The following CCSER1 variants were observed in gnomAD, a reference collection of about 807,000 sequenced individuals.
CCSER1 encodes serine-rich coiled-coil domain-containing protein 1.
CCSER1 carries 41 observed loss-of-function variants against 82.0 expected under a neutral mutation model. The observed-to-expected ratio is 0.50, with a 90% CI of 0.39 to 0.65. The LOEUF (loss-of-function observed/expected upper bound fraction) is 0.65, where lower values mean the gene tolerates loss of function less well. CCSER1 is among the 30% of genes least tolerant of loss of function. The pLI is 0.00. For synonymous variants in CCSER1, 414 were observed against 383.9 expected (o/e 1.08, Z -0.92); for missense variants, 1,119 against 1,064.2 (o/e 1.05, Z -0.72).
chr4:91,159,378 T>TCTC (rs1250563952), intron 10 of CCSER1, among the ~76,000 whole-genome samples: 2 of 151,926 alleles, frequency 1.3e-5, no homozygotes, highest in Non-Finnish European at 2.9e-5. Context: ...CTTGCCTTAC[T>TCTC]CTCCTATATT....
At chr4:91,244,354 G>C (rs538907318) in intron 10 of CCSER1, among the ~76,000 whole-genome samples, 55 of 152,188 alleles carry the variant, frequency 3.6e-4, no homozygotes, top group Admixed American at 2.5e-3. Flanking sequence ...ACCTTGAAGG[G>C]AAGGGCCTTG....
intron 10 of CCSER1, among the ~76,000 whole-genome samples, chr4:91,258,743 T>C (rs1740885789): frequency 6.6e-6 from 1 of 152,132 alleles, no homozygotes; most frequent in African/African-American, 2.4e-5. Context: ...AATAAATCCA[T>C]TATGCTTATT....
At chr4:90,195,268 T>TA (rs1287312781) in intron 1 of CCSER1, among the ~76,000 whole-genome samples, 1 of 151,998 alleles carries the variant, frequency 6.6e-6, no homozygotes, top group East Asian at 1.9e-4. Flanking sequence ...GATTCAGTGT[T>TA]AAAAAACGAA....
intron 8 of CCSER1, among the ~76,000 whole-genome samples, chr4:90,836,847 A>G (rs987849846): frequency 1.3e-5 from 2 of 152,238 alleles, no homozygotes; most frequent in Admixed American, 6.5e-5. Flanking sequence ...TCCCTGGTCT[A>G]GACCATCGCA....
At position 91,601,855 on chromosome 4, in the gene CCSER1, C is replaced by CTGTT. The variant is rs1202673897; in HGVS notation, c.*2800_*2803dup. The CTGTT allele has an allele frequency of 6.6e-6, 1 of 152,054 alleles. No individual in the cohort carries two copies. Among genetic ancestry groups the CTGTT allele is most frequent in the Non-Finnish European group, 1.5e-5 (1 of 67,940 alleles). 9.4% of individuals were successfully genotyped at this position (152,054 alleles called of 1,614,324 possible). On this transcript the variant is annotated 3_prime_UTR_variant, in exon 11 of 11. Coordinates refer to ENST00000509176, the MANE Select transcript of CCSER1 (RefSeq NM_001145065.2). ...GGAAGAGAAATACCTTGAAGAAAAGCTGTTTCCACCTGAAATAAACTGTTC... is the reference window on the plus strand; with the variant it reads ...GGAAGAGAAATACCTTGAAGAAAAGCTGTTTGTTTCCACCTGAAATAAACTGTTC...
intron 5 of CCSER1, 70 bp downstream of exon 5, chr4:90,468,424 A>G: frequency 2.2e-6 from 3 of 1,360,346 alleles, no homozygotes; most frequent in Non-Finnish European, 3.0e-6. Flanking sequence ...AATGTGATTT[A>G]TAATAAATGT....
chr4:90,792,058 T>C (rs985857768), intron 7 of CCSER1, among the ~76,000 whole-genome samples: 7 of 152,216 alleles, frequency 4.6e-5, no homozygotes, highest in Non-Finnish European at 1.0e-4. Context: ...CTATAATCTG[T>C]AGCTTCAGCT....
chr4:91,207,476 T>C (rs1358235216), intron 10 of CCSER1, among the ~76,000 whole-genome samples: 1 of 151,768 alleles, frequency 6.6e-6, no homozygotes, highest in Non-Finnish European at 1.5e-5. Context: ...TGAGAACACA[T>C]GGTATTTGGT....
intron 9 of CCSER1, among the ~76,000 whole-genome samples, chr4:91,029,301 C>T (rs141648553): frequency 2.0e-3 from 304 of 151,176 alleles, no homozygotes; most frequent in Middle Eastern, 6.9e-3. Flanking sequence ...AATACATGAA[C>T]GTGTAAAAGA....
rs1157414216 is a variant in CCSER1 at position 91,289,204 on chromosome 4, T to G, written c.2217+203210T>G. On this transcript the variant is annotated intron_variant, in intron 10 of 10. Transcript: ENST00000509176. ...AACACCTGCCTTTATTGACCTAGAC[T>G]CCCACACTAAAGGCTTCATAGAAGG... Among the ~76,000 whole-genome samples the G allele has an allele frequency of 2.0e-5, 3 of 151,908 alleles. 1 individual carries two copies. Among genetic ancestry groups the G allele is most frequent in the Non-Finnish European group, 4.4e-5 (3 of 67,960 alleles).
In CCSER1 at chr4:90,529,393, C is replaced by T. The variant is rs1021377244; in HGVS notation, c.1724+61039C>T. The stretch of plus-strand genomic sequence containing the variant: ...TACAGACGCATTTCACTATGCCTGG[C>T]TAATTTTTGTATGTTTAATGGAGAT... On this transcript the variant is annotated intron_variant, in intron 5 of 10. Transcript: ENST00000509176. 4.6e-5 allele frequency among the ~76,000 whole-genome samples: 7 copies of T among 152,086 alleles called. No individual in the cohort carries two copies. The East Asian group carries it at 1.2e-3, about 25-fold the overall frequency.
intron 10 of CCSER1, among the ~76,000 whole-genome samples, chr4:91,263,293 G>A (rs1305474460): frequency 3.9e-5 from 6 of 151,920 alleles, no homozygotes; most frequent in Non-Finnish European, 5.9e-5. Context: ...AAGTGCTTAC[G>A]TTTTCTACTT....
chr4:90,911,725 C>T (rs1177421837), intron 8 of CCSER1, among the ~76,000 whole-genome samples: 1 of 152,148 alleles, frequency 6.6e-6, no homozygotes, highest in Non-Finnish European at 1.5e-5. Context: ...AATTCCCTTT[C>T]CTACCCAAGC....
chr4:90,591,771 C>G (rs1034510046), intron 5 of CCSER1, among the ~76,000 whole-genome samples: 5 of 152,150 alleles, frequency 3.3e-5, no homozygotes, highest in African/African-American at 1.2e-4. Flanking sequence ...ATATCAAAGA[C>G]TTGGAACCAA....
intron 10 of CCSER1, among the ~76,000 whole-genome samples, chr4:91,529,911 T>C (rs1227371327): frequency 6.6e-6 from 1 of 152,188 alleles, no homozygotes; most frequent in African/African-American, 2.4e-5. Flanking sequence ...ACTTTCTGAA[T>C]GTATATTACA....
chr4:90,152,134 A>G (rs1726979283), intron 1 of CCSER1, among the ~76,000 whole-genome samples: 1 of 152,132 alleles, frequency 6.6e-6, no homozygotes, highest in South Asian at 2.1e-4. Flanking sequence ...TGTGTCACTA[A>G]AAGGGTGAGC....
chr4:90,463,441 G>A (rs1252301885), intron 4 of CCSER1, among the ~76,000 whole-genome samples: 2 of 152,146 alleles, frequency 1.3e-5, no homozygotes, highest in Non-Finnish European at 2.9e-5. Context: ...ATAACAATAT[G>A]CCATAGAACT....
chr4:90,608,170 T>G (rs920049765), intron 5 of CCSER1, among the ~76,000 whole-genome samples: 1 of 152,202 alleles, frequency 6.6e-6, no homozygotes, highest in African/African-American at 2.4e-5. Context: ...TTACACTTTC[T>G]GTGGATAAGG....
intron 9 of CCSER1, among the ~76,000 whole-genome samples, chr4:91,051,382 C>T (rs1581428665): frequency 1.3e-5 from 2 of 152,216 alleles, no homozygotes; most frequent in Non-Finnish European, 2.9e-5. Flanking sequence ...AAATCAGTAA[C>T]ATCAATTGCT....
Sources: gnomAD v4.1 joint callset for allele counts (sites outside exome capture counted in the v4.1 genomes callset) on GRCh38, gnomAD v4.1.1 for gene constraint, MANE v1.5 for transcripts, NCBI Gene and HGNC (gene_info 2026-07-23, HGNC 2026-07-21) for gene names.